The following MAP3K9 variants were observed in gnomAD, a reference collection of about 807,000 sequenced individuals.
MAP3K9 encodes the protein mitogen-activated protein kinase kinase kinase 9, also known as mixed lineage kinase 1 (tyr and ser/thr specificity).
In MAP3K9, 46 loss-of-function variants were observed where a neutral mutation model predicts 95.8. The observed-to-expected ratio is 0.48, with a 90% CI of 0.38 to 0.61. The LOEUF (loss-of-function observed/expected upper bound fraction) is 0.61, where lower values mean the gene tolerates loss of function less well. Among genes scored for constraint, MAP3K9 ranks in the 20% least tolerant of loss-of-function variants. The probability of loss-of-function intolerance (pLI) is 0.00; values close to 1 mark genes in which losing one functional copy is unlikely to be tolerated. For missense variants in MAP3K9, 1,296 were observed against 1,474.3 expected (o/e 0.88, Z 1.98); for synonymous variants, 533 against 593.8 (o/e 0.90, Z 1.49).
At chr14:70,742,274 C>A in intron 6 of MAP3K9, 77 bp downstream of exon 6, 1 of 1,553,032 alleles carries the variant, frequency 6.4e-7, no homozygotes, top group South Asian at 1.2e-5. Context: ...CAAGCTCAGT[C>A]CCGGACTCCC....
chr14:70,762,544 C>T (rs1193282015), intron 2 of MAP3K9, among the ~76,000 whole-genome samples: 4 of 152,098 alleles, frequency 2.6e-5, no homozygotes, highest in African/African-American at 9.7e-5. Flanking sequence ...ATTTGTGTAT[C>T]TTCTTTGGAG....
chr14:70,751,952 C>T (rs1419734746), intron 3 of MAP3K9, among the ~76,000 whole-genome samples: 1 of 152,172 alleles, frequency 6.6e-6, no homozygotes, highest in Non-Finnish European at 1.5e-5. Flanking sequence ...ATTTATTCCC[C>T]CTAGAATGCC....
rs568258832 is a variant in MAP3K9, at chr14:70,767,876, C to T, written c.821-6694G>A. Among the ~76,000 whole-genome samples the T allele has an allele frequency of 1.2e-4, 18 of 152,136 alleles. No individual in the cohort carries two copies. The East Asian group carries it at 2.7e-3, about 23-fold the overall frequency. ...CTAATTTTTTATTTTTTGTATTGAC[C>T]GGTTGGTCTTGAACGCCTGGTCTCA... On this transcript the variant is annotated intron_variant, in intron 2 of 11. Transcript: ENST00000554752.
intron 2 of MAP3K9, among the ~76,000 whole-genome samples, chr14:70,769,518 T>C (rs2054502916): frequency 6.6e-6 from 1 of 152,172 alleles, no homozygotes; most frequent in Non-Finnish European, 1.5e-5. Flanking sequence ...TAACAGAAAC[T>C]GGGTGGCTCA....
At chr14:70,730,937 C>G (rs750582924) in intron 11 of MAP3K9, 73 bp from the exon 12 acceptor site, 5 of 1,431,004 alleles carry the variant, frequency 3.5e-6, no homozygotes, top group Middle Eastern at 1.8e-4. Flanking sequence ...GCTACTCCCC[C>G]CCAACACCAC....
intron 2 of MAP3K9, among the ~76,000 whole-genome samples, chr14:70,764,347 A>AT (rs1414511036): frequency 3.2e-4 from 9 of 28,270 alleles, no homozygotes; most frequent in Non-Finnish European, 7.0e-4. Context: ...AGACTGTGAT[A>AT]TGATCTTGAC....
chr14:70,798,769 C>A (rs1394618901), intron 2 of MAP3K9, among the ~76,000 whole-genome samples: 1 of 152,016 alleles, frequency 6.6e-6, no homozygotes, highest in African/African-American at 2.4e-5. Context: ...TGAGCCACCG[C>A]GCCCGGCCCA....
chr14:70,794,899 G>A (rs1227239585), intron 2 of MAP3K9, among the ~76,000 whole-genome samples: 2 of 150,196 alleles, frequency 1.3e-5, no homozygotes, highest in East Asian at 3.9e-4. Flanking sequence ...GGATGGTCTC[G>A]ATCTCCTGAC....
chr14:70,754,856 C>T (rs1041691083), intron 3 of MAP3K9, among the ~76,000 whole-genome samples: 1 of 152,150 alleles, frequency 6.6e-6, no homozygotes, highest in Admixed American at 6.5e-5. Flanking sequence ...CCTTGTGGGA[C>T]GATGCCCTCT....
chr14:70,756,558 A>T (rs2054301880), intron 3 of MAP3K9, among the ~76,000 whole-genome samples: 1 of 152,222 alleles, frequency 6.6e-6, no homozygotes, highest in South Asian at 2.1e-4. Flanking sequence ...AACCAAGTGC[A>T]GGCAATTGGG....
chr14:70,764,266 T>C (rs1188594106), intron 2 of MAP3K9, among the ~76,000 whole-genome samples: 2 of 149,048 alleles, frequency 1.3e-5, no homozygotes, highest in East Asian at 3.9e-4. Context: ...GAAGAAGGCA[T>C]TGTTATTATA....
chr14:70,798,443 A>C (rs1196273496), intron 2 of MAP3K9, among the ~76,000 whole-genome samples: 1 of 43,694 alleles, frequency 2.3e-5, no homozygotes, highest in Non-Finnish European at 5.1e-5. Flanking sequence ...CTCTAGGTAG[A>C]AATTACTTTG....
At chr14:70,755,764 T>C (rs562740492) in intron 3 of MAP3K9, among the ~76,000 whole-genome samples, 6 of 152,212 alleles carry the variant, frequency 3.9e-5, no homozygotes, top group Non-Finnish European at 8.8e-5. Flanking sequence ...TCCTGCAGCA[T>C]AGAAGCTAAG....
At chr14:70,767,171 G>T (rs1594790965) in intron 2 of MAP3K9, among the ~76,000 whole-genome samples, 1 of 151,960 alleles carries the variant, frequency 6.6e-6, no homozygotes, top group East Asian at 1.9e-4. Flanking sequence ...GTCACCTGAG[G>T]TCAGCAGTTC....
At chr14:70,805,397 A>G (rs2054979254) in intron 1 of MAP3K9, among the ~76,000 whole-genome samples, 2 of 152,208 alleles carry the variant, frequency 1.3e-5, no homozygotes, top group African/African-American at 4.8e-5. Flanking sequence ...CTAGGATTGC[A>G]TCTCCCAAGA....
intron 2 of MAP3K9, among the ~76,000 whole-genome samples, chr14:70,788,374 C>T (rs941809497): frequency 1.3e-5 from 2 of 152,178 alleles, no homozygotes; most frequent in Admixed American, 1.3e-4. Context: ...TATTACGTGC[C>T]AGGCACTCCT....
chr14:70,802,007 G>A (rs997945765), intron 1 of MAP3K9, among the ~76,000 whole-genome samples: 1 of 152,172 alleles, frequency 6.6e-6, no homozygotes, highest in African/African-American at 2.4e-5. Flanking sequence ...GCCATTCTGA[G>A]GGGCTTGAAC....
chr14:70,767,143 G>C (rs2054466631), intron 2 of MAP3K9, among the ~76,000 whole-genome samples: 1 of 152,036 alleles, frequency 6.6e-6, no homozygotes, highest in Admixed American at 6.6e-5. Context: ...CAGCACTTTA[G>C]GAGGCTGAGG....
chr14:70,757,808 G>A (rs6573980), intron 3 of MAP3K9, among the ~76,000 whole-genome samples: 135,761 of 152,218 alleles, frequency 0.89, 60,603 homozygotes, highest in Middle Eastern at 0.94. Context: ...GGGAAAAAAT[G>A]GTCTTTTCAA....
Sources: allele counts gnomAD v4.1 joint callset (sites outside exome capture counted in the v4.1 genomes callset), GRCh38; gene constraint gnomAD v4.1.1; transcripts MANE v1.5; gene names NCBI Gene and HGNC (gene_info 2026-07-23, HGNC 2026-07-21).